The following TP63 variants were observed in gnomAD, a reference collection of about 807,000 sequenced individuals.
The protein encoded by TP63 is tumor protein 63.
In TP63, 17 loss-of-function variants were observed where a neutral mutation model predicts 82.8. The observed-to-expected ratio is 0.21, with a 90% CI of 0.14 to 0.31. The LOEUF (loss-of-function observed/expected upper bound fraction) is 0.31. Among genes scored for constraint, TP63 ranks in the 10% least tolerant of loss-of-function variants. The pLI, the probability that TP63 is intolerant of heterozygous loss-of-function variation, is 1.00. For synonymous variants in TP63, 330 were observed against 321.7 expected, an observed-to-expected ratio of 1.03 and a Z score of -0.28; for missense variants, 648 against 895.3, an observed-to-expected ratio of 0.72 and a Z score of 3.52.
chr3:189,784,343 A>T (rs1169946888), intron 3 of TP63, among the ~76,000 whole-genome samples: 1 of 152,092 alleles, frequency 6.6e-6, no homozygotes, highest in South Asian at 2.1e-4. Context: ...GAAGAAGGAT[A>T]AATACAGGAG....
chr3:189,831,818 CTTTTTTTTTTTTTTTTTTT>C lies in TP63; in HGVS notation c.579+23303_579+23321del, dbSNP rs1156431272. On this transcript the variant is annotated intron_variant, in intron 4 of 13. Coordinates refer to ENST00000264731, the MANE Select transcript of TP63 (RefSeq NM_003722.5). ...GATGTGCCATGAAAGCTATTATGCT[CTTTTTTTTTTTTTTTTTTT>C]TTTTTTTTTTGAGACGGAGTCTCAC... Among the ~76,000 whole-genome samples the C allele has an allele frequency of 7.0e-3, 516 of 73,236 alleles. 1 individual carries two copies. Among genetic ancestry groups the C allele is most frequent in the African/African-American group, 0.032 (498 of 15,782 alleles). The allele number at this position is 73,236 out of a possible 152,430, so 48.0% of individuals were successfully genotyped here. A position where few individuals can be genotyped will look rare whatever the true frequency, so the allele number is the denominator to read the frequency against.
At chr3:189,872,015 A>G (rs889300799) in intron 9 of TP63, among the ~76,000 whole-genome samples, 2 of 152,214 alleles carry the variant, frequency 1.3e-5, no homozygotes, top group African/African-American at 4.8e-5. Flanking sequence ...GCCCCTGCTC[A>G]TAATTGTAAA....
At chr3:189,879,739 T>C (rs774761920) in intron 10 of TP63, among the ~76,000 whole-genome samples, 1 of 152,214 alleles carries the variant, frequency 6.6e-6, no homozygotes, top group Non-Finnish European at 1.5e-5. Flanking sequence ...CTTGTGTAAC[T>C]TATTAAAAAT....
chr3:189,824,225 T>A (rs1159342064), intron 4 of TP63, among the ~76,000 whole-genome samples: 1 of 150,092 alleles, frequency 6.7e-6, no homozygotes, highest in Non-Finnish European at 1.5e-5. Context: ...ATTATTATTA[T>A]TTTTTTTTTG....
In TP63 at chr3:189,870,028, C is replaced by G. The variant is rs574318379; in HGVS notation, c.1212+622C>G. Among the ~76,000 whole-genome samples, 3 of 152,236 alleles carry G rather than the reference C, an allele frequency of 2.0e-5. No homozygotes were observed. In the South Asian group the frequency reaches 6.2e-4, roughly 32 times the overall value. ...CTACCCACCCAACTAAAGCTAAACT[C>G]CTAACAGAATTTTTCTTACCCTAAT... On this transcript the variant is annotated intron_variant, in intron 9 of 13. Coordinates refer to ENST00000264731, the MANE Select transcript of TP63 (RefSeq NM_003722.5).
intron 1 of TP63, among the ~76,000 whole-genome samples, chr3:189,687,807 A>G (rs1170629833): frequency 6.6e-6 from 1 of 152,172 alleles, no homozygotes. Flanking sequence ...GAGAAGAAAT[A>G]ATGTCTTATT....
At chr3:189,637,867 G>T (rs566321565) in intron 1 of TP63, among the ~76,000 whole-genome samples, 1 of 152,122 alleles carries the variant, frequency 6.6e-6, no homozygotes, top group Non-Finnish European at 1.5e-5. Flanking sequence ...GGAATAACTC[G>T]TATTATCCCT....
intron 1 of TP63, among the ~76,000 whole-genome samples, chr3:189,640,483 G>A (rs1023530316): frequency 1.3e-5 from 2 of 152,030 alleles, no homozygotes; most frequent in Admixed American, 1.3e-4. Flanking sequence ...TAGTACTGCT[G>A]CAAATGTGGT....
chr3:189,634,528 G>A (rs1360399470), intron 1 of TP63, among the ~76,000 whole-genome samples: 2 of 151,748 alleles, frequency 1.3e-5, no homozygotes, highest in African/African-American at 4.8e-5. Context: ...ATTTAGTTGT[G>A]CCCTGATGTT....
intron 10 of TP63, chr3:189,880,364 A>G: frequency 8.1e-7 from 1 of 1,234,946 alleles, no homozygotes. Context: ...AGGGACTCAA[A>G]CCTTTACAAG....
chr3:189,783,256 C>T (rs1439055132), intron 3 of TP63, among the ~76,000 whole-genome samples: 1 of 151,792 alleles, frequency 6.6e-6, no homozygotes. Flanking sequence ...GTATATGCAT[C>T]TGTATACACA....
intron 4 of TP63, among the ~76,000 whole-genome samples, chr3:189,843,740 C>A (rs1714475586): frequency 6.6e-6 from 1 of 152,072 alleles, no homozygotes; most frequent in African/African-American, 2.4e-5. Context: ...ATTTGTGAAT[C>A]AAAAAATCCG....
intron 4 of TP63, among the ~76,000 whole-genome samples, chr3:189,863,219 C>T (rs1560272736): frequency 1.3e-5 from 2 of 152,082 alleles, no homozygotes; most frequent in Non-Finnish European, 2.9e-5. Context: ...ACTAGGTGCC[C>T]CACTCTTGGC....
intron 1 of TP63, among the ~76,000 whole-genome samples, chr3:189,730,535 C>T (rs1316185950): frequency 2.6e-5 from 4 of 152,154 alleles, no homozygotes; most frequent in African/African-American, 9.7e-5. Context: ...GAATTTGAAA[C>T]AATATAAATT....
At chr3:189,841,101 A>C (rs1317416133) in intron 4 of TP63, among the ~76,000 whole-genome samples, 1 of 152,114 alleles carries the variant, frequency 6.6e-6, no homozygotes, top group Non-Finnish European at 1.5e-5. Flanking sequence ...TAATGATTTG[A>C]ACACGGCAAG....
the TP63 span, among the ~76,000 whole-genome samples, chr3:189,616,871 C>G: frequency 6.6e-6 from 1 of 152,160 alleles, no homozygotes; most frequent in South Asian, 2.1e-4. Flanking sequence ...TTGTGAGTCT[C>G]CACTGGGGCT....
rs539748438 is a variant in TP63 at position 189,694,580 on chromosome 3, A to G, written c.63-43160A>G. On this transcript the variant is annotated intron_variant, in intron 1 of 13. Transcript: ENST00000264731. ...ATTTTTTAATGATAAACCTGGGTTTATGTTCTTTGGGGAGGAAGACCATGC... is the reference window on the plus strand; with the variant it reads ...ATTTTTTAATGATAAACCTGGGTTTGTGTTCTTTGGGGAGGAAGACCATGC... Among the ~76,000 whole-genome samples the G allele has an allele frequency of 4.6e-5, 7 of 152,070 alleles. No individual in the cohort carries two copies. The South Asian group carries it at 1.2e-3, about 27-fold the overall frequency.
chr3:189,825,983 C>G (rs1729308355), intron 4 of TP63, among the ~76,000 whole-genome samples: 1 of 152,028 alleles, frequency 6.6e-6, no homozygotes, highest in African/African-American at 2.4e-5. Context: ...TTGTTTCTTT[C>G]TCTGAAGAAG....
intron 3 of TP63, among the ~76,000 whole-genome samples, chr3:189,768,867 T>A (rs1334754700): frequency 6.6e-6 from 1 of 152,154 alleles, no homozygotes; most frequent in Non-Finnish European, 1.5e-5. Context: ...AACTTCCTAG[T>A]AAATGACATT....
Sources: allele counts gnomAD v4.1 joint callset (sites outside exome capture counted in the v4.1 genomes callset), GRCh38; gene constraint gnomAD v4.1.1; transcripts MANE v1.5; gene names NCBI Gene and HGNC (gene_info 2026-07-23, HGNC 2026-07-21).